The following PPP1R12A variants were observed in gnomAD, a reference collection of about 807,000 sequenced individuals.
PPP1R12A encodes the protein myosin binding subunit.
In PPP1R12A, 19 loss-of-function variants were observed where a neutral mutation model predicts 139.6. The ratio of observed to expected loss-of-function variants is 0.14; its 90% CI spans 0.09 to 0.20. The LOEUF is 0.20. PPP1R12A is among the 10% of genes least tolerant of loss of function. The pLI is 1.00. For missense variants in PPP1R12A, 925 were observed against 1,211.5 expected, an observed-to-expected ratio of 0.76 and a Z score of 3.51; for synonymous variants, 427 against 420.6, an observed-to-expected ratio of 1.02 and a Z score of -0.19.
chr12:79,930,663 T>C (rs926290020), intron 1 of PPP1R12A, among the ~76,000 whole-genome samples: 2 of 152,012 alleles, frequency 1.3e-5, no homozygotes, highest in Admixed American at 6.6e-5. Context: ...TCCCAGCTAC[T>C]TGGGAAGCTG....
intron 1 of PPP1R12A, among the ~76,000 whole-genome samples, chr12:79,887,987 C>T (rs1884258782): frequency 6.6e-6 from 1 of 152,140 alleles, no homozygotes; most frequent in South Asian, 2.1e-4. Context: ...AGTTAATACA[C>T]ATAGTTGTTA....
intron 2 of PPP1R12A, among the ~76,000 whole-genome samples, chr12:79,852,193 CT>C (rs200453712): frequency 0.016 from 2,164 of 136,934 alleles, 18 homozygotes; most frequent in Admixed American, 0.022. Context: ...CTTTTTCTTT[CT>C]TTTTTTTTTT....
intron 1 of PPP1R12A, among the ~76,000 whole-genome samples, chr12:79,884,306 T>C (rs1367572557): frequency 3.3e-5 from 5 of 152,210 alleles, no homozygotes; most frequent in Non-Finnish European, 7.3e-5. Flanking sequence ...TTTAAATGTA[T>C]ATACTTTTAA....
intron 1 of PPP1R12A, among the ~76,000 whole-genome samples, chr12:79,907,860 T>A (rs1886256098): frequency 6.6e-6 from 1 of 152,252 alleles, no homozygotes. Flanking sequence ...ATCCTGCTGC[T>A]GTACTCCAGG....
At chr12:79,913,213 A>C (rs752007391) in intron 1 of PPP1R12A, among the ~76,000 whole-genome samples, 9 of 152,250 alleles carry the variant, frequency 5.9e-5, no homozygotes, top group Non-Finnish European at 1.2e-4. Flanking sequence ...ATGCACACAC[A>C]ATCTTTTCCT....
intron 1 of PPP1R12A, among the ~76,000 whole-genome samples, chr12:79,878,109 G>T (rs1173255900): frequency 6.6e-6 from 1 of 151,000 alleles, no homozygotes; most frequent in Non-Finnish European, 1.5e-5. Flanking sequence ...CTTTGCTGGG[G>T]TGATTTTTAG....
chr12:79,809,684 T>G, intron 10 of PPP1R12A, 111 bp downstream of exon 10: 1 of 763,852 alleles, frequency 1.3e-6, no homozygotes, highest in East Asian at 2.7e-5. Flanking sequence ...TAAGGTTAAT[T>G]AACTTGATAC....
intron 2 of PPP1R12A, among the ~76,000 whole-genome samples, chr12:79,848,179 CTT>C (rs1169959954): frequency 2.0e-5 from 3 of 152,118 alleles, no homozygotes; most frequent in Non-Finnish European, 4.4e-5. Context: ...AGAAGTTAGA[CTT>C]GAGGTAATTT....
At chr12:79,862,088 G>C (rs1881401458) in intron 2 of PPP1R12A, among the ~76,000 whole-genome samples, 1 of 152,028 alleles carries the variant, frequency 6.6e-6, no homozygotes. Context: ...CATACAGGGG[G>C]GTGCCCTTCT....
intron 2 of PPP1R12A, among the ~76,000 whole-genome samples, chr12:79,862,470 G>A (rs763045613): frequency 2.0e-5 from 3 of 152,140 alleles, no homozygotes; most frequent in African/African-American, 7.2e-5. Flanking sequence ...GAATGAGTTC[G>A]ACAAAGTGAC....
chr12:79,788,474 TCCCTTTAATAAA>T (rs1871385083), intron 21 of PPP1R12A, 162 bp downstream of exon 21: 1 of 571,306 alleles, frequency 1.8e-6, no homozygotes, highest in Admixed American at 3.2e-5. Context: ...GACTTTCTCT[TCCCTTTAATAAA>T]CAAACAGCTA....
intron 1 of PPP1R12A, among the ~76,000 whole-genome samples, chr12:79,894,652 A>T (rs906802166): frequency 4.0e-5 from 6 of 151,896 alleles, no homozygotes; most frequent in African/African-American, 1.5e-4. Flanking sequence ...ATATTGCCTT[A>T]AAAAAAAGTC....
At chr12:79,882,897 G>A (rs968612516) in intron 1 of PPP1R12A, among the ~76,000 whole-genome samples, 2 of 152,144 alleles carry the variant, frequency 1.3e-5, no homozygotes, top group Non-Finnish European at 1.5e-5. Flanking sequence ...CTAGCACTTT[G>A]GGAGGCCGAG....
chr12:79,777,436 A>G, intron 24 of PPP1R12A: 4 of 984,964 alleles, frequency 4.1e-6, no homozygotes, highest in Non-Finnish European at 4.8e-6. Flanking sequence ...ATTAATTTGT[A>G]AAAGTGAGCT....
chr12:79,934,873 G>A lies in PPP1R12A; in HGVS notation c.59C>T (p.Ser20Phe). 6.2e-7 allele frequency: 1 copy of A among 1,611,222 alleles called. No individual in the cohort carries two copies. Among genetic ancestry groups the A allele is most frequent in the Non-Finnish European group, 8.5e-7 (1 of 1,178,834 alleles). Residue 20 changes from serine to phenylalanine, a missense_variant, in exon 1 of 25, where the codon TCC becomes TTC. Ser to Phe is a radical substitution (Grantham distance 155). Transcript: ENST00000450142. ...CACCGGAGGCTCGAGGTCCGTCTCG[G>A]AGCCGATCCAGCGTTTCAGCTGCTC... ...RNEQLKRWIG[S>F]ETDLEPPVVK...
chr12:79,921,124 G>C (rs756305365), intron 1 of PPP1R12A, among the ~76,000 whole-genome samples: 2 of 152,088 alleles, frequency 1.3e-5, no homozygotes, highest in African/African-American at 2.4e-5. Context: ...GCACAGAAGA[G>C]ACCTTTAATA....
rs554807452 is a variant in PPP1R12A, at chr12:79,908,760, A to G, written c.237+25935T>C. Among the ~76,000 whole-genome samples, 5 of 152,354 alleles carry G rather than the reference A, an allele frequency of 3.3e-5. No homozygotes were observed. In the South Asian group the frequency reaches 1.0e-3, roughly 32 times the overall value. ...TGTTAGATTTTAGTCATTATATGTT[A>G]ACAGTGTTCAGATAAAGTTATTTAA... On this transcript the variant is annotated intron_variant, in intron 1 of 24. Transcript: ENST00000450142.
intron 2 of PPP1R12A, among the ~76,000 whole-genome samples, chr12:79,866,707 CAT>C (rs1186469929): frequency 6.6e-6 from 1 of 152,138 alleles, no homozygotes; most frequent in East Asian, 1.9e-4. Flanking sequence ...AGCCAACAGA[CAT>C]ATGAAAAAAT....
intron 1 of PPP1R12A, among the ~76,000 whole-genome samples, chr12:79,891,974 G>A (rs1404766436): frequency 1.3e-5 from 2 of 152,192 alleles, no homozygotes; most frequent in Non-Finnish European, 2.9e-5. Context: ...GAAGCACCCA[G>A]CTAAGTCATA....
Sources: allele counts gnomAD v4.1 joint callset (sites outside exome capture counted in the v4.1 genomes callset), GRCh38; gene constraint gnomAD v4.1.1; transcripts MANE v1.5; gene names NCBI Gene and HGNC (gene_info 2026-07-23, HGNC 2026-07-21).